Variants in DNER observed in about 807,000 individuals in gnomAD.
DNER encodes the protein delta/notch like EGF repeat containing.
Under a neutral mutation model 78.2 loss-of-function variants are expected in DNER, and 33 were observed. The ratio of observed to expected loss-of-function variants is 0.42; its 90% CI spans 0.32 to 0.56. The LOEUF is 0.56. DNER is among the 20% of genes least tolerant of loss of function. The pLI, the probability that DNER is intolerant of heterozygous loss-of-function variation, is 0.11. For synonymous variants in DNER, 417 were observed against 384.8 expected (o/e 1.08, Z -0.98); for missense variants, 918 against 975.3 (o/e 0.94, Z 0.78).
chr2:229,684,254 G>C (rs1281363322), intron 1 of DNER, among the ~76,000 whole-genome samples: 1 of 150,294 alleles, frequency 6.7e-6, no homozygotes, highest in Non-Finnish European at 1.5e-5. Flanking sequence ...GCTTCCAATA[G>C]GAGGTGATGG....
chr2:229,487,900 G>A (rs183993432), intron 6 of DNER, among the ~76,000 whole-genome samples: 152 of 152,346 alleles, frequency 1.0e-3, no homozygotes, highest in African/African-American at 3.5e-3. Flanking sequence ...CCTCACTGAT[G>A]TGCCGGGGAA....
At chr2:229,583,338 C>T (rs1292281056) in intron 4 of DNER, among the ~76,000 whole-genome samples, 1 of 152,214 alleles carries the variant, frequency 6.6e-6, no homozygotes, top group Non-Finnish European at 1.5e-5. Flanking sequence ...GTGCTCAAAA[C>T]ACTTACATTG....
intron 1 of DNER, among the ~76,000 whole-genome samples, chr2:229,695,475 T>TG (rs1469887102): frequency 2.6e-5 from 4 of 152,236 alleles, no homozygotes; most frequent in Non-Finnish European, 5.9e-5. Context: ...TTGCAATGTC[T>TG]GGGCATTAAT....
chr2:229,545,594 G>A (rs55691530), intron 5 of DNER, among the ~76,000 whole-genome samples: 33,506 of 152,072 alleles, frequency 0.22, 4,521 homozygotes, highest in East Asian at 0.34. Flanking sequence ...TATATTTTAA[G>A]AGAGTTCTAT....
At chr2:229,469,516 T>C (rs1694877760) in intron 7 of DNER, among the ~76,000 whole-genome samples, 1 of 152,154 alleles carries the variant, frequency 6.6e-6, no homozygotes, top group African/African-American at 2.4e-5. Flanking sequence ...GCTCGATAGA[T>C]GGGGAAAATG....
intron 8 of DNER, among the ~76,000 whole-genome samples, chr2:229,440,847 T>G (rs1019441): frequency 6.6e-6 from 1 of 152,054 alleles, no homozygotes; most frequent in African/African-American, 2.4e-5. Flanking sequence ...GATCCTCACA[T>G]AAACGTTTAA....
intron 6 of DNER, among the ~76,000 whole-genome samples, chr2:229,506,990 C>T (rs1695758646): frequency 6.6e-6 from 1 of 152,156 alleles, no homozygotes; most frequent in Non-Finnish European, 1.5e-5. Context: ...TAGCCTACTA[C>T]ACACCTAGGC....
chr2:229,393,563 AG>A (rs1693065118), intron 10 of DNER, among the ~76,000 whole-genome samples: 1 of 151,320 alleles, frequency 6.6e-6, no homozygotes, highest in Non-Finnish European at 1.5e-5. Context: ...AAAACTAAGT[AG>A]AAGCTGAGCA....
intron 6 of DNER, among the ~76,000 whole-genome samples, chr2:229,478,241 C>CTTCA (rs1553607952): frequency 6.6e-6 from 1 of 151,602 alleles, no homozygotes; most frequent in African/African-American, 2.4e-5. Flanking sequence ...TAGTGTAACA[C>CTTCA]TTTATTTCTA....
intron 1 of DNER, among the ~76,000 whole-genome samples, chr2:229,700,284 A>ATGTGTGTGTGTGTGTG (rs74181354): frequency 1.6e-4 from 6 of 36,536 alleles, no homozygotes; most frequent in African/African-American, 3.9e-4. Flanking sequence ...ATGTCAATAT[A>ATGTGTGTGTGTGTGTG]TGTGTGTGTG....
chr2:229,486,841 C>T (rs987748270), intron 6 of DNER, among the ~76,000 whole-genome samples: 3 of 152,104 alleles, frequency 2.0e-5, no homozygotes, highest in Admixed American at 1.3e-4. Context: ...CCTGGGAACT[C>T]GTTACAAATG....
chr2:229,519,466 A>G (rs367582966), intron 5 of DNER, among the ~76,000 whole-genome samples: 2 of 152,218 alleles, frequency 1.3e-5, no homozygotes, highest in African/African-American at 4.8e-5. Context: ...ATTGAATTTC[A>G]TTGTTTATAA....
chr2:229,574,940 A>G (rs1265018925), intron 4 of DNER, among the ~76,000 whole-genome samples: 1 of 152,222 alleles, frequency 6.6e-6, no homozygotes, highest in Admixed American at 6.5e-5. Context: ...TAAGCTGGCA[A>G]AGCCCCGAGA....
At position 229,687,888 on chromosome 2, in the gene DNER, C is replaced by G. The variant is rs142118205; in HGVS notation, c.276+26260G>C. Among the ~76,000 whole-genome samples the G allele has an allele frequency of 6.3e-4, 96 of 152,306 alleles. 1 individual carries two copies. The East Asian group carries it at 0.014, about 23-fold the overall frequency. On this transcript the variant is annotated intron_variant, in intron 1 of 12. Coordinates refer to ENST00000341772, the MANE Select transcript of DNER (RefSeq NM_139072.4). ...CCAGATGGATTCCCAGTCAACTCTA[C>G]CTTAACTGTCACCATTTCATTCCTT...
intron 1 of DNER, among the ~76,000 whole-genome samples, chr2:229,594,952 T>TAAAAAAAAAAA (rs200824543): frequency 2.9e-5 from 3 of 102,688 alleles, no homozygotes; most frequent in Admixed American, 1.0e-4. Context: ...AAATGCTGTT[T>TAAAAAAAAAAA]AAAAAAAAAA....
chr2:229,383,473 G>A (rs1692792405), intron 11 of DNER, among the ~76,000 whole-genome samples: 1 of 152,122 alleles, frequency 6.6e-6, no homozygotes, highest in Non-Finnish European at 1.5e-5. Flanking sequence ...GTGGCAAATT[G>A]CATAGAGTCA....
intron 1 of DNER, among the ~76,000 whole-genome samples, chr2:229,683,947 G>C (rs1366824411): frequency 2.0e-5 from 3 of 152,214 alleles, no homozygotes; most frequent in African/African-American, 7.2e-5. Flanking sequence ...CCTCTCCTGT[G>C]CAGAGCACTG....
intron 11 of DNER, among the ~76,000 whole-genome samples, chr2:229,386,558 T>C (rs974515155): frequency 7.9e-5 from 12 of 152,146 alleles, no homozygotes; most frequent in Non-Finnish European, 1.5e-4. Flanking sequence ...GAGAAAATTT[T>C]TGCAATCTAT....
chr2:229,390,110 A>C (rs1217846609), intron 10 of DNER, among the ~76,000 whole-genome samples: 1 of 152,240 alleles, frequency 6.6e-6, no homozygotes, highest in Admixed American at 6.5e-5. Context: ...ACAAGTATAT[A>C]TGTCAGTACT....
Sources: gnomAD v4.1 joint callset for allele counts (sites outside exome capture counted in the v4.1 genomes callset) on GRCh38, gnomAD v4.1.1 for gene constraint, MANE v1.5 for transcripts, NCBI Gene and HGNC (gene_info 2026-07-23, HGNC 2026-07-21) for gene names.